The following ZNF827 variants were observed in gnomAD, a reference collection of about 807,000 sequenced individuals.
ZNF827 encodes the protein zinc finger protein 827.
Under a neutral mutation model 102.4 loss-of-function variants are expected in ZNF827, and 13 were observed. That is an observed-to-expected ratio of 0.13 (90% CI 0.08 to 0.20). The LOEUF (loss-of-function observed/expected upper bound fraction) is 0.20, where lower values mean the gene tolerates loss of function less well. ZNF827 is among the 10% of genes least tolerant of loss of function. The probability of loss-of-function intolerance (pLI) is 1.00; values close to 1 mark genes in which losing one functional copy is unlikely to be tolerated. For missense variants in ZNF827, 1,103 were observed against 1,344.4 expected (o/e 0.82, Z 2.81); for synonymous variants, 523 against 536.2 (o/e 0.98, Z 0.34).
At chr4:145,794,731 A>G (rs953749586) in intron 8 of ZNF827, among the ~76,000 whole-genome samples, 6 of 152,128 alleles carry the variant, frequency 3.9e-5, no homozygotes, top group African/African-American at 1.2e-4. Context: ...TACATACCCA[A>G]CACCAGTAAA....
At chr4:145,771,538 C>T (rs1284743065) in intron 11 of ZNF827, among the ~76,000 whole-genome samples, 1 of 152,174 alleles carries the variant, frequency 6.6e-6, no homozygotes, top group Non-Finnish European at 1.5e-5. Flanking sequence ...GAAGAAGTCA[C>T]AAGCACCAAA....
Position 145,938,597 on chromosome 4 carries a change from C to A in ZNF827, c.-190G>T. The A allele has an allele frequency of 2.1e-6, 1 of 482,852 alleles. No individual in the cohort carries two copies. Among genetic ancestry groups the A allele is most frequent in the Non-Finnish European group, 3.7e-6 (1 of 271,132 alleles). 29.9% of individuals were successfully genotyped at this position (482,852 alleles called of 1,614,324 possible). ...TTCCTGGAGCCAGAAGAGGGGTTTT[C>A]TTCTTTTCTTTCCTTTCTTTTTTCC... On this transcript the variant is annotated 5_prime_UTR_variant, in exon 1 of 15. Transcript: ENST00000508784.
At chr4:145,842,858 T>C (rs189047608) in intron 7 of ZNF827, among the ~76,000 whole-genome samples, 8 of 152,328 alleles carry the variant, frequency 5.3e-5, no homozygotes, top group Admixed American at 4.6e-4. Context: ...CAGTTTCTTC[T>C]AGGAAATCAA....
intron 1 of ZNF827, among the ~76,000 whole-genome samples, chr4:145,924,734 G>T (rs1471239026): frequency 6.6e-6 from 1 of 152,168 alleles, no homozygotes; most frequent in Non-Finnish European, 1.5e-5. Context: ...TGATTTTTGA[G>T]ATGTAATCAA....
intron 8 of ZNF827, among the ~76,000 whole-genome samples, chr4:145,798,200 A>C (rs1014335713): frequency 2.0e-5 from 3 of 152,184 alleles, no homozygotes; most frequent in Non-Finnish European, 4.4e-5. Context: ...AGCAATATAT[A>C]TGGTTTGCAT....
chr4:145,903,468 A>C (rs1261670335), intron 1 of ZNF827, among the ~76,000 whole-genome samples: 2 of 152,252 alleles, frequency 1.3e-5, no homozygotes, highest in African/African-American at 4.8e-5. Context: ...AGGAAAAAGA[A>C]AAATGGATCT....
chr4:145,925,411 C>T (rs1352135121), intron 1 of ZNF827, among the ~76,000 whole-genome samples: 1 of 152,154 alleles, frequency 6.6e-6, no homozygotes, highest in Non-Finnish European at 1.5e-5. Flanking sequence ...TCTGTGATTC[C>T]TCAAACATTT....
rs1252725242 is a variant in ZNF827 at position 145,765,411 on chromosome 4, T to C, written c.3052+136A>G. 5.2e-6 allele frequency: 6 copies of C among 1,143,718 alleles called. No homozygotes were observed. Among genetic ancestry groups the C allele is most frequent in the Non-Finnish European group, 7.3e-6 (6 of 823,888 alleles). The allele number at this position is 1,143,718 out of a possible 1,614,324, so 70.8% of individuals were successfully genotyped here. ...AAATTAAGCCAAAAGAAATACAACCTTTAGGTGAGGCCCAGCATACTGCAT... is the reference window on the plus strand; with the variant it reads ...AAATTAAGCCAAAAGAAATACAACCCTTAGGTGAGGCCCAGCATACTGCAT... On this transcript the variant is annotated intron_variant, in intron 12 of 14. Coordinates refer to ENST00000508784, the MANE Select transcript of ZNF827 (RefSeq NM_001306215.2). This position sits in a 1 kb window ranked among gnomAD's most constrained non-coding sequence, Gnocchi z 4.7.
At chr4:145,815,021 T>C (rs1411486658) in intron 8 of ZNF827, among the ~76,000 whole-genome samples, 1 of 152,128 alleles carries the variant, frequency 6.6e-6, no homozygotes, top group African/African-American at 2.4e-5. Flanking sequence ...TCCAAACAAA[T>C]GGTGTCCAAA....
At position 145,938,495 on chromosome 4, in the gene ZNF827, C is replaced by G. The variant is rs528252017; in HGVS notation, c.-88G>C. 4 of 105,780 alleles carry G rather than the reference C, an allele frequency of 3.8e-5. No homozygotes were observed. The highest frequency in any genetic ancestry group is 4.7e-5 in the Non-Finnish European group (3 of 63,476). The allele number at this position is 105,780 out of a possible 1,614,324, so 6.6% of individuals were successfully genotyped here. On this transcript the variant is annotated 5_prime_UTR_variant, in exon 1 of 15. Transcript: ENST00000508784. ...GCAGAGAGGCAGACACTGGCAGGAG[C>G]GGGGAGGTAGTTGGGGGGCGGGCGG...
At chr4:145,850,705 T>TTAA (rs1367560328) in intron 5 of ZNF827, among the ~76,000 whole-genome samples, 1 of 152,064 alleles carries the variant, frequency 6.6e-6, no homozygotes, top group African/African-American at 2.4e-5. Flanking sequence ...CACTTTCAAA[T>TTAA]TAATAATAAT....
At chr4:145,774,412 C>T (rs1736727350) in intron 11 of ZNF827, 94 bp downstream of exon 11, 3 of 1,393,234 alleles carry the variant, frequency 2.2e-6, no homozygotes, top group East Asian at 2.5e-5. Context: ...AGGGCAATGT[C>T]TCAGGGCAGT....
chr4:145,784,146 A>G (rs1738507410), intron 8 of ZNF827, among the ~76,000 whole-genome samples: 2 of 152,170 alleles, frequency 1.3e-5, no homozygotes, highest in South Asian at 4.1e-4. Context: ...TGCCAGCATC[A>G]TGCTTCCTGT....
At chr4:145,801,537 T>G (rs993935030) in intron 8 of ZNF827, among the ~76,000 whole-genome samples, 2 of 152,160 alleles carry the variant, frequency 1.3e-5, no homozygotes, top group Non-Finnish European at 2.9e-5. Context: ...AGAAGTGTAC[T>G]CTAAAAAGAT....
chr4:145,928,415 T>A lies in ZNF827; in HGVS notation c.43+9950A>T, dbSNP rs77163755. On this transcript the variant is annotated intron_variant, in intron 1 of 14. Coordinates refer to ENST00000508784, the MANE Select transcript of ZNF827 (RefSeq NM_001306215.2). ...GGGTTGGCTGATGGTGATCAGAAAC[T>A]GACGGACAGCAATAGTTTTCCTTGA... is the stretch of plus-strand genomic sequence containing the variant. Among the ~76,000 whole-genome samples the A allele has an allele frequency of 8.4e-3, 1,272 of 152,326 alleles. 18 individuals carry two copies. The highest frequency in any genetic ancestry group is 0.011 in the Non-Finnish European group (738 of 68,032).
At chr4:145,896,959 T>C (rs1751023257) in intron 2 of ZNF827, among the ~76,000 whole-genome samples, 1 of 152,062 alleles carries the variant, frequency 6.6e-6, no homozygotes, top group South Asian at 2.1e-4. Context: ...AAAAAAAGAG[T>C]TTGTTTTGAG....
chr4:145,781,195 CAAAAAAAA>C (rs10605153), intron 8 of ZNF827, among the ~76,000 whole-genome samples: 1 of 56,546 alleles, frequency 1.8e-5, no homozygotes, highest in Non-Finnish European at 2.8e-5. Flanking sequence ...GACACCATCT[CAAAAAAAA>C]AAAAAAAAAA....
chr4:145,840,977 A>C (rs1034744201), intron 7 of ZNF827, among the ~76,000 whole-genome samples: 1 of 152,238 alleles, frequency 6.6e-6, no homozygotes, highest in Non-Finnish European at 1.5e-5. Context: ...ATATGAGTCT[A>C]TCTTTCTCTG....
At chr4:145,845,232 TACA>T (rs1745816893) in intron 7 of ZNF827, among the ~76,000 whole-genome samples, 1 of 152,186 alleles carries the variant, frequency 6.6e-6, no homozygotes, top group Non-Finnish European at 1.5e-5. Context: ...GGCTCTCACC[TACA>T]ACGTTTCAGG....
Sources: gnomAD v4.1 joint callset for allele counts (sites outside exome capture counted in the v4.1 genomes callset) on GRCh38, gnomAD v4.1.1 for gene constraint, Gnocchi (gnomAD v3.1) non-coding constraint, MANE v1.5 for transcripts, NCBI Gene and HGNC (gene_info 2026-07-23, HGNC 2026-07-21) for gene names.